Variants in CLIC5 observed in about 807,000 individuals in gnomAD.
CLIC5 encodes the protein chloride intracellular channel protein 5.
Under a neutral mutation model 24.7 loss-of-function variants are expected in CLIC5, and 20 were observed. The observed-to-expected ratio is 0.81, with a 90% CI of 0.57 to 1.18. The LOEUF is 1.18. Among genes scored for constraint, CLIC5 ranks in the 50% most tolerant of loss-of-function variants. The pLI, the probability that CLIC5 is intolerant of heterozygous loss-of-function variation, is 0.00. For synonymous variants in CLIC5, 159 were observed against 135.6 expected (o/e 1.17, Z -1.20); for missense variants, 341 against 326.1 (o/e 1.05, Z -0.35).
chr6:46,028,974 C>T (rs967159998), intron 1 of CLIC5, among the ~76,000 whole-genome samples: 4 of 152,108 alleles, frequency 2.6e-5, no homozygotes, highest in African/African-American at 9.7e-5. Flanking sequence ...ATTCATTCCT[C>T]CCCCACCCCC....
intron 1 of CLIC5, among the ~76,000 whole-genome samples, chr6:46,068,537 G>C (rs1172028924): frequency 6.6e-6 from 1 of 152,130 alleles, no homozygotes; most frequent in African/African-American, 2.4e-5. Flanking sequence ...GAGATATAAA[G>C]ATATAAACAA....
chr6:45,976,870 A>G (rs1765404206), intron 1 of CLIC5, among the ~76,000 whole-genome samples: 1 of 152,182 alleles, frequency 6.6e-6, no homozygotes, highest in Non-Finnish European at 1.5e-5. Flanking sequence ...AACAACAACA[A>G]AAGGGATATT....
chr6:46,111,818 G>C, the CLIC5 span, among the ~76,000 whole-genome samples: 1 of 152,120 alleles, frequency 6.6e-6, no homozygotes, highest in Admixed American at 6.6e-5. Flanking sequence ...TCGAATCATG[G>C]GGGTGGGTCT....
the CLIC5 span, among the ~76,000 whole-genome samples, chr6:46,106,897 TGCC>T: frequency 6.6e-6 from 1 of 152,220 alleles, no homozygotes; most frequent in African/African-American, 2.4e-5. Flanking sequence ...TGAATCCAAA[TGCC>T]TTTTAAACTA....
intron 1 of CLIC5, among the ~76,000 whole-genome samples, chr6:45,985,181 C>G (rs1369506565): frequency 6.6e-6 from 1 of 152,192 alleles, no homozygotes; most frequent in Non-Finnish European, 1.5e-5. Context: ...AAGAAAGAGC[C>G]TGGCCCCTCT....
chr6:45,978,917 T>C (rs553113643), intron 1 of CLIC5, among the ~76,000 whole-genome samples: 1 of 149,982 alleles, frequency 6.7e-6, no homozygotes, highest in Non-Finnish European at 1.5e-5. Context: ...ACCATTGCAC[T>C]CCAGCCTGGG....
At chr6:45,884,995 A>T (rs1224964341) in intron 6 of CLIC5, among the ~76,000 whole-genome samples, 1 of 56,482 alleles carries the variant, frequency 1.8e-5, no homozygotes, top group Non-Finnish European at 3.5e-5. Flanking sequence ...CAACTTTTTC[A>T]TCAAGGGCCA....
chr6:46,006,127 C>CATATATATATATATATATAT (rs58643121), intron 1 of CLIC5, among the ~76,000 whole-genome samples: 12 of 35,110 alleles, frequency 3.4e-4, no homozygotes, highest in Admixed American at 5.7e-4. Flanking sequence ...TGTATAAATA[C>CATATATATATATATATATAT]ATATATATAT....
At chr6:45,947,633 C>T (rs1764330797) in intron 3 of CLIC5, among the ~76,000 whole-genome samples, 1 of 152,178 alleles carries the variant, frequency 6.6e-6, no homozygotes, top group African/African-American at 2.4e-5. Context: ...GAACTTTCCT[C>T]TATGGGTCTC....
At chr6:45,953,784 G>T (rs551869996) in intron 2 of CLIC5, among the ~76,000 whole-genome samples, 2 of 152,266 alleles carry the variant, frequency 1.3e-5, no homozygotes, top group Admixed American at 1.3e-4. Context: ...TGTGAACCTG[G>T]AAAGATGAAG....
chr6:46,099,426 G>A, the CLIC5 span, among the ~76,000 whole-genome samples: 1 of 152,196 alleles, frequency 6.6e-6, no homozygotes, highest in Non-Finnish European at 1.5e-5. Flanking sequence ...ACTATACACT[G>A]AGCAAGTGAA....
At chr6:45,975,276 T>C (rs530298903) in intron 1 of CLIC5, among the ~76,000 whole-genome samples, 1 of 152,156 alleles carries the variant, frequency 6.6e-6, no homozygotes, top group Admixed American at 6.5e-5. Flanking sequence ...TCAAGCCCAC[T>C]AGCCTGCCAT....
At chr6:45,952,700 A>G (rs903543105) in intron 2 of CLIC5, among the ~76,000 whole-genome samples, 1 of 152,194 alleles carries the variant, frequency 6.6e-6, no homozygotes, top group African/African-American at 2.4e-5. Flanking sequence ...TGCCTGGTCT[A>G]CGTCAAAGGG....
chr6:46,015,531 C>T lies in CLIC5; in HGVS notation c.12G>A (p.Ser4=). ...CCCTGTCGTCCCCGTTAGCTGTCGCCGAGTCTGTCATGCCGTTGGCGCCCG... is the reference window on the plus strand; with the variant it reads ...CCCTGTCGTCCCCGTTAGCTGTCGCTGAGTCTGTCATGCCGTTGGCGCCCG... MTD[S]ATANGDDRDP... Residue 4 remains serine (S), a synonymous_variant, in exon 1 of 6, where the codon TCG becomes TCA. Coordinates refer to ENST00000339561, the MANE Select transcript of CLIC5 (RefSeq NM_016929.5). 1 of 1,578,690 alleles carries T rather than the reference C, an allele frequency of 6.3e-7. No individual in the cohort carries two copies. Among genetic ancestry groups the T allele is most frequent in the African/African-American group, 1.4e-5 (1 of 72,938 alleles).
intron 1 of CLIC5, among the ~76,000 whole-genome samples, chr6:46,009,706 G>T (rs774182553): frequency 6.6e-6 from 1 of 152,210 alleles, no homozygotes; most frequent in Admixed American, 6.5e-5. Flanking sequence ...ATAGCTGGAA[G>T]ATTGTTGAGG....
upstream of CLIC5, among the ~76,000 whole-genome samples, chr6:46,083,985 T>A (rs1034986510): frequency 2.6e-5 from 4 of 152,178 alleles, no homozygotes; most frequent in African/African-American, 4.8e-5. Flanking sequence ...TATATTTAGG[T>A]TAGTTAGCTC....
chr6:46,003,496 C>A (rs571114542), intron 1 of CLIC5, among the ~76,000 whole-genome samples: 2 of 152,182 alleles, frequency 1.3e-5, no homozygotes, highest in African/African-American at 4.8e-5. Context: ...GGCCATGGAG[C>A]AGATCCTAAG....
At chr6:45,919,055 C>A (rs368657047) in intron 4 of CLIC5, 5 of 985,484 alleles carry the variant, frequency 5.1e-6, no homozygotes, top group South Asian at 4.7e-5. Flanking sequence ...GTCTTCCTTA[C>A]AAGCTCCTAA....
In CLIC5 at chr6:45,955,185, G is replaced by T. The variant is rs761398620; in HGVS notation, c.123C>A (p.Ile41=). 1 of 1,614,022 alleles carries T rather than the reference G, an allele frequency of 6.2e-7. No individual in the cohort carries two copies. The highest frequency in any genetic ancestry group is 8.5e-7 in the Non-Finnish European group (1 of 1,179,922). ...NCPFSQRLFM[I]LWLKGVVFNV... ...TGAACACGACTCCTTTCAGCCAGAG[G>T]ATCATGAAGAGGCGCTGAGAGAAAG... is the stretch of plus-strand genomic sequence containing the variant. The change falls in exon 2 of 6, where the codon ATC becomes ATA. Residue 41 remains isoleucine, a synonymous_variant. Coordinates refer to ENST00000339561, the MANE Select transcript of CLIC5 (RefSeq NM_016929.5).
Sources: gnomAD v4.1 joint callset for allele counts (sites outside exome capture counted in the v4.1 genomes callset) on GRCh38, gnomAD v4.1.1 for gene constraint, MANE v1.5 for transcripts, NCBI Gene and HGNC (gene_info 2026-07-23, HGNC 2026-07-21) for gene names.